Variants in HERC1 observed in about 807,000 individuals in gnomAD.
HERC1 encodes HECT and RLD domain containing E3 ubiquitin protein ligase family member 1, also known as probable E3 ubiquitin-protein ligase HERC1.
In HERC1, 160 loss-of-function variants were observed where a neutral mutation model predicts 554.3. The observed-to-expected ratio is 0.29, with a 90% CI of 0.25 to 0.33. The LOEUF (loss-of-function observed/expected upper bound fraction) is 0.33. Among genes scored for constraint, HERC1 ranks in the 10% least tolerant of loss-of-function variants. The probability of loss-of-function intolerance (pLI) is 1.00; values close to 1 mark genes in which losing one functional copy is unlikely to be tolerated. For missense variants in HERC1, 4,919 were observed against 5,918.5 expected (o/e 0.83, Z 5.54); for synonymous variants, 2,175 against 2,131.7 (o/e 1.02, Z -0.56).
chr15:63,664,458 A>G lies in HERC1; in HGVS notation c.8680+12T>C. 1 of 1,605,404 alleles carries G rather than the reference A, an allele frequency of 6.2e-7. No individual in the cohort carries two copies. Among genetic ancestry groups the G allele is most frequent in the Non-Finnish European group, 8.5e-7 (1 of 1,174,156 alleles). ...TCTTTCACAAAGAAAAGGATACGGA[A>G]CATAAAATTACCTGCTCTTGCTAGC... On this transcript the variant is annotated intron_variant, in intron 43 of 77. Transcript: ENST00000443617.
Position 63,622,843 on chromosome 15 carries a change from T to C in HERC1, c.13660A>G (p.Thr4554Ala). The stretch of plus-strand genomic sequence containing the variant: ...TCCCTATTGTAACCCACTTCTGCGG[T>C]GGCATTGGGAGAGGGTATAAGAAGG... The part of the protein sequence containing the change: ...VDLLIPSPNA[T>A]AEVGYNRDRF... Residue 4554 changes from threonine (T) to alanine (A), a missense_variant, in exon 74 of 78, where the codon ACC (threonine) becomes GCC (alanine). By Grantham distance (58) the Thr-to-Ala change is moderately conservative (BLOSUM62 0). Transcript: ENST00000443617. 1.9e-6 allele frequency: 3 copies of C among 1,607,844 alleles called. No individual in the cohort carries two copies. The highest frequency in any genetic ancestry group is 1.7e-6 in the Non-Finnish European group (2 of 1,177,580).
At position 63,658,641 on chromosome 15, in the gene HERC1, G is replaced by A; in HGVS notation, c.9502C>T (p.His3168Tyr). The A allele has an allele frequency of 6.2e-7, 1 of 1,613,946 alleles. No individual in the cohort carries two copies. The highest frequency in any genetic ancestry group is 8.5e-7 in the Non-Finnish European group (1 of 1,179,820). The change falls in exon 48 of 78, where the codon CAT becomes TAT. Residue 3168 changes from histidine to tyrosine, a missense_variant. By Grantham distance (83) the His-to-Tyr change is moderately conservative (BLOSUM62 2). Transcript: ENST00000443617. ...CTCCTTAAAGCCACCACACGGTCAT[G>A]AGGGTTTGCTAGGGCAGCTGCCTGC... ...GEQAAALANP[H>Y]DRVVALRRVT...
chr15:63,645,856 C>T (rs578231264), intron 55 of HERC1, among the ~76,000 whole-genome samples, 174 bp from the exon 56 acceptor site: 28 of 152,172 alleles, frequency 1.8e-4, no homozygotes, highest in Admixed American at 1.6e-3. Context: ...ATCACTAGAC[C>T]AACTTACCCT....
Position 63,726,421 on chromosome 15 carries a change from T to C in HERC1, c.3347-908A>G, listed in dbSNP as rs2074042529. Among the ~76,000 whole-genome samples, 6 of 152,126 alleles carry C rather than the reference T, an allele frequency of 3.9e-5. No individual in the cohort carries two copies. In the South Asian group the frequency reaches 1.2e-3, roughly 32 times the overall value. ...AGCAGTTATTTGAAATGATAATGGA[T>C]AAGTTATCTAAAAGGAAAATGGATA... On this transcript the variant is annotated intron_variant, in intron 17 of 77. Transcript: ENST00000443617.
At chr15:63,743,255 TTC>T (rs1326267670) in intron 12 of HERC1, among the ~76,000 whole-genome samples, 3 of 109,904 alleles carry the variant, frequency 2.7e-5, no homozygotes, top group Non-Finnish European at 5.7e-5. Flanking sequence ...TTTTCTTTTT[TTC>T]TTTTTCTTTT....
chr15:63,735,269 C>T (rs1243990311), intron 12 of HERC1, among the ~76,000 whole-genome samples: 1 of 151,758 alleles, frequency 6.6e-6, no homozygotes, highest in Non-Finnish European at 1.5e-5. Context: ...CTTGAGCACA[C>T]AAACAGGGCA....
intron 45 of HERC1, 60 bp downstream of exon 45, chr15:63,661,693 C>G: frequency 6.5e-7 from 1 of 1,548,282 alleles, no homozygotes; most frequent in Non-Finnish European, 8.8e-7. Flanking sequence ...CTACAGTTCC[C>G]AAGACTTAAG....
chr15:63,758,066 C>T lies in HERC1; in HGVS notation c.1221+109G>A. ...AATGCAGTATATAGACCAGAAATAACCATCGATAATTTTCACTCATTTAAA... is the reference window on the plus strand; with the variant it reads ...AATGCAGTATATAGACCAGAAATAATCATCGATAATTTTCACTCATTTAAA... On this transcript the variant is annotated intron_variant, in intron 4 of 77. Transcript: ENST00000443617. This position sits in a 1 kb window ranked among gnomAD's most constrained non-coding sequence, Gnocchi z 4.0. 1.2e-6 allele frequency: 1 copy of T among 804,442 alleles called. No homozygotes were observed. 49.8% of individuals were successfully genotyped at this position (804,442 alleles called of 1,614,324 possible). A position where few individuals can be genotyped will look rare whatever the true frequency, so the allele number is the denominator to read the frequency against.
intron 7 of HERC1, among the ~76,000 whole-genome samples, chr15:63,754,045 A>C (rs1333742986): frequency 6.6e-6 from 1 of 152,008 alleles, no homozygotes; most frequent in Non-Finnish European, 1.5e-5. Context: ...ATGGTGGTGC[A>C]TGCCTGTAGT....
chr15:63,678,287 C>T lies in HERC1; in HGVS notation c.6628G>A (p.Ala2210Thr), dbSNP rs1342080334. 6.2e-7 allele frequency: 1 copy of T among 1,613,642 alleles called. No individual in the cohort carries two copies. Among genetic ancestry groups the T allele is most frequent in the Admixed American group, 1.7e-5 (1 of 59,968 alleles). The change falls in exon 37 of 78, where the codon GCA becomes ACA. Residue 2210 changes from alanine to threonine, a missense_variant. Ala to Thr is a moderately conservative substitution (Grantham distance 58). Around this residue, in one of 11 missense-constraint regions of HERC1, gnomAD observed 1,963 missense variants for 2,228.6 expected, o/e 0.88. Coordinates refer to ENST00000443617, the MANE Select transcript of HERC1 (RefSeq NM_003922.4). ...PGDPICSPVA[A>T]VLAEATIQLI... ...TGAATAGTGGCCTCAGCCAGCACTG[C>T]TGCTACTGGACTACAAATAGGGTCT...
intron 40 of HERC1, among the ~76,000 whole-genome samples, chr15:63,668,617 A>T (rs987148082): frequency 1.2e-4 from 18 of 152,248 alleles, no homozygotes; most frequent in Non-Finnish European, 1.9e-4. Context: ...AACAATTTTT[A>T]AAAAGCAGGA....
chr15:63,811,828 A>C (rs1048631115), intron 1 of HERC1, among the ~76,000 whole-genome samples: 5 of 148,442 alleles, frequency 3.4e-5, no homozygotes, highest in African/African-American at 1.2e-4. Flanking sequence ...AAAAAAAAAA[A>C]CAGAAAGGAA....
In HERC1 at chr15:63,678,432, T is replaced by G. The variant is rs945157145; in HGVS notation, c.6550-67A>C. 7 of 1,462,094 alleles carry G rather than the reference T, an allele frequency of 4.8e-6. No homozygotes were observed. The African/African-American group carries it at 1.0e-4, about 21-fold the overall frequency. The allele number at this position is 1,462,094 out of a possible 1,614,324, so 90.6% of individuals were successfully genotyped here. A position where few individuals can be genotyped will look rare whatever the true frequency, so the allele number is the denominator to read the frequency against. On this transcript the variant is annotated intron_variant, in intron 36 of 77. Coordinates refer to ENST00000443617, the MANE Select transcript of HERC1 (RefSeq NM_003922.4). ...AGTTCTTCTTAGTCACTATAAATTC[T>G]AACATGTAGAATCCCATGTTGAACT...
chr15:63,654,450 T>C, intron 50 of HERC1, 126 bp from the exon 51 acceptor site: 1 of 671,572 alleles, frequency 1.5e-6, no homozygotes, highest in Non-Finnish European at 2.5e-6. Flanking sequence ...TTAACCCATA[T>C]CTTTTAAGAA....
At chr15:63,661,111 A>G in intron 45 of HERC1, 86 bp from the exon 46 acceptor site, 1 of 956,406 alleles carries the variant, frequency 1.0e-6, no homozygotes, top group Non-Finnish European at 1.7e-6. Context: ...ACATTTTAAG[A>G]GGTCATTAAT....
intron 72 of HERC1, 130 bp downstream of exon 72, chr15:63,624,028 G>T: frequency 1.6e-6 from 2 of 1,220,090 alleles, no homozygotes; most frequent in Non-Finnish European, 2.3e-6. Context: ...ACCACACCAG[G>T]TACTAATGTA....
chr15:63,810,047 C>T (rs913652681), intron 1 of HERC1, among the ~76,000 whole-genome samples: 2 of 151,776 alleles, frequency 1.3e-5, no homozygotes, highest in African/African-American at 2.4e-5. Context: ...GAATTCAAGG[C>T]AGTCATTAAA....
At chr15:63,820,518 A>G (rs2077650745) in intron 1 of HERC1, among the ~76,000 whole-genome samples, 1 of 152,228 alleles carries the variant, frequency 6.6e-6, no homozygotes, top group African/African-American at 2.4e-5. Flanking sequence ...AAGGCTGCTT[A>G]CTTGAATTAT....
intron 34 of HERC1, among the ~76,000 whole-genome samples, chr15:63,685,056 T>A (rs2071677595): frequency 6.6e-6 from 1 of 152,210 alleles, no homozygotes; most frequent in African/African-American, 2.4e-5. Flanking sequence ...TGAAAGCTGC[T>A]GTGAGCACTT....
Sources: allele counts gnomAD v4.1 joint callset (sites outside exome capture counted in the v4.1 genomes callset), GRCh38; gene constraint gnomAD v4.1.1; regional missense constraint gnomAD v4.1.1; non-coding constraint Gnocchi (gnomAD v3.1); transcripts MANE v1.5; gene names NCBI Gene and HGNC (gene_info 2026-07-23, HGNC 2026-07-21).